The following ANXA8 variants were observed in gnomAD, a reference collection of about 807,000 sequenced individuals.
ANXA8 encodes annexin A8.
A neutral mutation model predicts 26.8 loss-of-function variants in ANXA8; 9 were observed. The ratio of observed to expected loss-of-function variants is 0.34; its 90% confidence interval spans 0.20 to 0.59. The LOEUF (loss-of-function observed/expected upper bound fraction) is 0.59. Ranked by LOEUF, ANXA8 falls within the 20% of genes least tolerant of loss-of-function variation. The probability of loss-of-function intolerance (pLI) is 0.84; values close to 1 mark genes in which losing one functional copy is unlikely to be tolerated. For missense variants in ANXA8, 83 were observed against 238.5 expected (o/e 0.35, Z 4.29); for synonymous variants, 39 against 94.8 (o/e 0.41, Z 3.42).
At chr10:47,710,045 T>C in the ANXA8 span, among the ~76,000 whole-genome samples, 3 of 123,212 alleles carry the variant, frequency 2.4e-5, no homozygotes, top group Admixed American at 8.2e-5. Context: ...ATCAAGTTTA[T>C]TTTTACATCT....
the ANXA8 span, among the ~76,000 whole-genome samples, chr10:47,541,190 T>A: frequency 2.1e-5 from 2 of 93,718 alleles, no homozygotes; most frequent in African/African-American, 4.3e-5. Context: ...TAGCCGGGAG[T>A]GGTGGTGCAC....
chr10:47,660,281 C>G, the ANXA8 span, among the ~76,000 whole-genome samples: 1 of 148,228 alleles, frequency 6.7e-6, no homozygotes, highest in African/African-American at 2.6e-5. Flanking sequence ...TACTCAAAGC[C>G]CGTTAAGAGC....
At chr10:47,554,966 C>T in the ANXA8 span, among the ~76,000 whole-genome samples, 1 of 151,462 alleles carries the variant, frequency 6.6e-6, no homozygotes, top group Non-Finnish European at 1.5e-5. Context: ...CCTACCTCAG[C>T]TTCCCCCTCC....
chr10:47,615,232 A>G, the ANXA8 span, among the ~76,000 whole-genome samples: 2 of 74,228 alleles, frequency 2.7e-5, 1 homozygote, highest in Non-Finnish European at 6.9e-5. Context: ...TGCAATCGTC[A>G]TGTGTAGCTA....
chr10:47,991,774 T>C, the ANXA8 span: 1 of 1,609,130 alleles, frequency 6.2e-7, no homozygotes, highest in Admixed American at 1.7e-5. Flanking sequence ...ACTCCACATG[T>C]CTGGCTCCTG....
the ANXA8 span, chr10:47,920,773 T>C: frequency 6.7e-6 from 1 of 149,172 alleles, no homozygotes; most frequent in African/African-American, 2.5e-5. Context: ...CTTAACTACA[T>C]CTCCTGGTGG....
chr10:47,493,028 GC>G, the ANXA8 span, among the ~76,000 whole-genome samples: 2 of 151,436 alleles, frequency 1.3e-5, no homozygotes, highest in Non-Finnish European at 2.9e-5. Flanking sequence ...GGGCTCCAGG[GC>G]TACGGCCAGT....
chr10:47,956,954 T>C, the ANXA8 span, among the ~76,000 whole-genome samples: 1 of 150,344 alleles, frequency 6.7e-6, no homozygotes. Flanking sequence ...ACAAAGGATG[T>C]AGGAAATATT....
the ANXA8 span, among the ~76,000 whole-genome samples, chr10:47,566,932 G>T: frequency 6.8e-6 from 1 of 146,150 alleles, no homozygotes; most frequent in Non-Finnish European, 1.5e-5. Flanking sequence ...CAGGAGGGGG[G>T]CCTGGCTAGC....
chr10:47,534,689 T>C, the ANXA8 span, among the ~76,000 whole-genome samples: 1 of 113,726 alleles, frequency 8.8e-6, no homozygotes, highest in African/African-American at 3.4e-5. Flanking sequence ...AGTTTTGCTG[T>C]TATTGCCCAG....
chr10:47,957,920 AAGAC>A, the ANXA8 span, among the ~76,000 whole-genome samples: 3 of 150,452 alleles, frequency 2.0e-5, no homozygotes, highest in Non-Finnish European at 4.4e-5. Flanking sequence ...CAATAATAAG[AAGAC>A]AAACAACTTA....
At chr10:47,554,231 G>C in the ANXA8 span, among the ~76,000 whole-genome samples, 2 of 138,986 alleles carry the variant, frequency 1.4e-5, no homozygotes, top group Non-Finnish European at 3.1e-5. Context: ...GAGGCGGGAC[G>C]ATCGCTTGAG....
At chr10:47,969,568 C>A in the ANXA8 span, among the ~76,000 whole-genome samples, 1 of 145,356 alleles carries the variant, frequency 6.9e-6, no homozygotes, top group Non-Finnish European at 1.5e-5. Context: ...AGTTCCTTGG[C>A]CAGCCACTTT....
At chr10:47,687,940 A>G in the ANXA8 span, among the ~76,000 whole-genome samples, 1 of 151,786 alleles carries the variant, frequency 6.6e-6, no homozygotes, top group Non-Finnish European at 1.5e-5. Flanking sequence ...TCTCTACTAA[A>G]AAAACTAAAA....
the ANXA8 span, among the ~76,000 whole-genome samples, chr10:47,562,001 A>G: frequency 6.6e-6 from 1 of 151,404 alleles, no homozygotes; most frequent in Non-Finnish European, 1.5e-5. Flanking sequence ...TGCTAGAAAA[A>G]TTACCTGTAA....
At chr10:47,580,701 C>G in the ANXA8 span, among the ~76,000 whole-genome samples, 1 of 149,692 alleles carries the variant, frequency 6.7e-6, no homozygotes, top group Admixed American at 6.6e-5. Context: ...CGAGATCATA[C>G]CACTACACTC....
chr10:47,890,736 TGGTATTCTGTTATA>T, the ANXA8 span, among the ~76,000 whole-genome samples: 5 of 86,246 alleles, frequency 5.8e-5, no homozygotes, highest in Admixed American at 4.3e-4. Context: ...ACCCAGGGTA[TGGTATTCTGTTATA>T]GCAACACAAA....
chr10:47,925,691 G>T, the ANXA8 span, among the ~76,000 whole-genome samples: 1 of 136,824 alleles, frequency 7.3e-6, no homozygotes, highest in East Asian at 2.1e-4. Flanking sequence ...AGGATCCCAG[G>T]TTAATTGTGT....
chr10:47,562,882 A>T, the ANXA8 span, among the ~76,000 whole-genome samples: 1 of 150,798 alleles, frequency 6.6e-6, no homozygotes, highest in African/African-American at 2.5e-5. Flanking sequence ...CAGTTTAGAC[A>T]TACGGTATTT....
Sources: allele counts gnomAD v4.1 joint callset (sites outside exome capture counted in the v4.1 genomes callset), GRCh38; gene constraint gnomAD v4.1.1; transcripts MANE v1.5; gene names NCBI Gene and HGNC (gene_info 2026-07-23, HGNC 2026-07-21).